Variants in SMARCC1 observed in about 807,000 individuals in gnomAD.
SMARCC1 encodes SWI/SNF related BAF chromatin remodeling complex subunit C1.
A neutral mutation model predicts 147.4 loss-of-function variants in SMARCC1; 43 were observed. The observed-to-expected ratio is 0.29, with a 90% confidence interval of 0.23 to 0.38. SMARCC1 has a LOEUF of 0.38. Among genes scored for constraint, SMARCC1 ranks in the 10% least tolerant of loss-of-function variants. The pLI, the probability that SMARCC1 is intolerant of heterozygous loss-of-function variation, is 1.00. For missense variants in SMARCC1, 1,119 were observed against 1,381.1 expected (o/e 0.81, Z 3.01); for synonymous variants, 495 against 484.4 (o/e 1.02, Z -0.29).
chr3:47,633,848 C>T (rs1279535715), intron 24 of SMARCC1, among the ~76,000 whole-genome samples: 4 of 141,954 alleles, frequency 2.8e-5, no homozygotes, highest in African/African-American at 1.0e-4. Flanking sequence ...ACTATGACCA[C>T]GATAATCCTT....
At chr3:47,679,861 CAAAAAAAA>C (rs35582823) in intron 15 of SMARCC1, among the ~76,000 whole-genome samples, 4 of 78,534 alleles carry the variant, frequency 5.1e-5, no homozygotes. Context: ...GACTCCATCT[CAAAAAAAA>C]AAAAAAAAAA....
chr3:47,694,060 G>A (rs1412505289), intron 11 of SMARCC1, among the ~76,000 whole-genome samples: 6 of 152,050 alleles, frequency 3.9e-5, no homozygotes, highest in Non-Finnish European at 5.9e-5. Flanking sequence ...TTAGTTCTTA[G>A]CACGGACCTT....
intron 6 of SMARCC1, among the ~76,000 whole-genome samples, chr3:47,727,719 G>A (rs933607366): frequency 3.3e-5 from 5 of 151,668 alleles, no homozygotes; most frequent in Admixed American, 3.3e-4. Flanking sequence ...AGGTTCAAGC[G>A]ATTCTCCTGC....
At chr3:47,714,677 C>T (rs2106802758) in intron 7 of SMARCC1, among the ~76,000 whole-genome samples, 187 bp from the exon 8 acceptor site, 1 of 152,028 alleles carries the variant, frequency 6.6e-6, no homozygotes, top group Non-Finnish European at 1.5e-5. Context: ...GATTGTAGTC[C>T]CCACTACCCA....
At chr3:47,648,785 TA>T (rs2033151187) in intron 21 of SMARCC1, among the ~76,000 whole-genome samples, 3 of 152,126 alleles carry the variant, frequency 2.0e-5, no homozygotes, top group African/African-American at 7.2e-5. Context: ...CACCAAATGC[TA>T]AAATTATTTT....
chr3:47,590,594 C>T, intron 27 of SMARCC1, 67 bp downstream of exon 27: 21 of 1,355,090 alleles, frequency 1.5e-5, no homozygotes, highest in Non-Finnish European at 2.1e-5. Context: ...AACAAAGCCT[C>T]CTTCCCTTAT....
intron 22 of SMARCC1, 54 bp downstream of exon 22, chr3:47,638,671 C>A: frequency 1.5e-6 from 2 of 1,344,768 alleles, no homozygotes; most frequent in Non-Finnish European, 2.1e-6. Flanking sequence ...AAAAAACAAA[C>A]CATTATGGTC....
At chr3:47,651,532 G>C (rs2882611) in intron 21 of SMARCC1, among the ~76,000 whole-genome samples, 93,899 of 151,980 alleles carry the variant, frequency 0.62, 29,737 homozygotes, top group East Asian at 0.72. Flanking sequence ...ACTGGCTTCT[G>C]CCAATACTGG....
At chr3:47,728,887 GGC>G in intron 6 of SMARCC1, 136 bp downstream of exon 6, 1 of 494,344 alleles carries the variant, frequency 2.0e-6, no homozygotes, top group Non-Finnish European at 3.5e-6. Context: ...CTCCAGCCTG[GGC>G]GACAGACTCC....
intron 10 of SMARCC1, among the ~76,000 whole-genome samples, chr3:47,703,204 G>T (rs1246323454): frequency 6.6e-6 from 1 of 152,148 alleles, no homozygotes; most frequent in Non-Finnish European, 1.5e-5. Context: ...AAAGTGCTAG[G>T]ATTACAGGCA....
At chr3:47,757,245 C>A (rs958607388) in intron 2 of SMARCC1, among the ~76,000 whole-genome samples, 3 of 151,034 alleles carry the variant, frequency 2.0e-5, no homozygotes, top group African/African-American at 7.3e-5. Flanking sequence ...GGCCAGACCC[C>A]GTTTCAAAAA....
chr3:47,683,981 G>A (rs1340055926), intron 14 of SMARCC1, among the ~76,000 whole-genome samples: 2 of 149,864 alleles, frequency 1.3e-5, no homozygotes, highest in African/African-American at 5.0e-5. Context: ...GGCCGGGCGC[G>A]GTGGCTCACG....
chr3:47,765,486 A>G (rs780192960), intron 2 of SMARCC1, among the ~76,000 whole-genome samples: 2 of 152,132 alleles, frequency 1.3e-5, no homozygotes, highest in Admixed American at 6.6e-5. Context: ...GAAAGAAACT[A>G]AACCATTATT....
intron 21 of SMARCC1, among the ~76,000 whole-genome samples, chr3:47,640,441 T>C (rs1196106602): frequency 6.6e-6 from 1 of 151,982 alleles, no homozygotes; most frequent in African/African-American, 2.4e-5. Flanking sequence ...AAAAAGGAAG[T>C]GATAATATAT....
intron 24 of SMARCC1, among the ~76,000 whole-genome samples, chr3:47,633,365 G>A (rs893451657): frequency 6.6e-6 from 1 of 152,072 alleles, no homozygotes; most frequent in African/African-American, 2.4e-5. Flanking sequence ...ATGGAACCAG[G>A]AGTCAAAAAT....
At chr3:47,761,488 T>A (rs945082395) in intron 2 of SMARCC1, among the ~76,000 whole-genome samples, 1 of 151,698 alleles carries the variant, frequency 6.6e-6, no homozygotes, top group African/African-American at 2.4e-5. Context: ...ATTTGATCAC[T>A]GTATTTGCCA....
chr3:47,678,305 C>A lies in SMARCC1; in HGVS notation c.1464G>T (p.Leu488Phe). Reference protein sequence around the residue: ...KNKSKTPEIYLAYRNFMIDTY... With the variant: ...KNKSKTPEIYFAYRNFMIDTY... ...TGTCAATCATAAAATTTCGATATGC[C>A]AAGTATCTAAAAAGCAATGGCAAAA... Residue 488 changes from leucine (L) to phenylalanine (F), a missense_variant, in exon 16 of 28, where the codon TTG becomes TTT. By Grantham distance (22) the Leu-to-Phe change is conservative. Transcript: ENST00000254480. The A allele has an allele frequency of 6.4e-7, 1 of 1,568,266 alleles. No homozygotes were observed. Among genetic ancestry groups the A allele is most frequent in the Non-Finnish European group, 8.7e-7 (1 of 1,150,608 alleles).
intron 21 of SMARCC1, among the ~76,000 whole-genome samples, chr3:47,654,707 C>A (rs578028198): frequency 9.2e-5 from 14 of 152,284 alleles, no homozygotes; most frequent in African/African-American, 3.1e-4. Flanking sequence ...GACAGGTGTA[C>A]CAAGAAGAGA....
At chr3:47,592,107 T>G (rs1291336098) in intron 26 of SMARCC1, among the ~76,000 whole-genome samples, 1 of 152,218 alleles carries the variant, frequency 6.6e-6, no homozygotes. Flanking sequence ...GATAGCTAAC[T>G]GGCAATTAAA....
Sources: allele counts gnomAD v4.1 joint callset (sites outside exome capture counted in the v4.1 genomes callset), GRCh38; gene constraint gnomAD v4.1.1; transcripts MANE v1.5; gene names NCBI Gene and HGNC (gene_info 2026-07-23, HGNC 2026-07-21).